Variants in GOLPH3L observed in about 807,000 individuals in gnomAD.
GOLPH3L encodes Golgi phosphoprotein 3-like.
In GOLPH3L, 22 loss-of-function variants were observed where a neutral mutation model predicts 30.3. The observed-to-expected ratio is 0.73, with a 90% CI of 0.52 to 1.04. GOLPH3L has a LOEUF of 1.04. Ranked by LOEUF, GOLPH3L falls within the 50% of genes least tolerant of loss-of-function variation. The pLI is 0.00. For missense variants in GOLPH3L, 303 were observed against 345.8 expected (o/e 0.88, Z 0.98); for synonymous variants, 120 against 128.2 (o/e 0.94, Z 0.43).
intron 1 of GOLPH3L, among the ~76,000 whole-genome samples, chr1:150,695,709 T>C (rs1327883058): frequency 1.3e-5 from 2 of 152,214 alleles, no homozygotes; most frequent in Admixed American, 6.5e-5. Context: ...CATACCCTAA[T>C]GACTCATTTC....
chr1:150,648,513 T>C lies in GOLPH3L; in HGVS notation c.666A>G (p.Thr222=), dbSNP rs1234389888. 6.2e-7 allele frequency: 1 copy of C among 1,613,366 alleles called. No individual in the cohort carries two copies. The highest frequency in any genetic ancestry group is 8.5e-7 in the Non-Finnish European group (1 of 1,179,318). ...VNDPQRMDKR[T]LALLVLAHSS... is the part of the protein sequence containing the mutation. ...AGTGGGCTAGCACCAGGAGTGCTAG[T>C]GTTCGCTTGTCCATACGCTGAGGGT... Residue 222 remains threonine, a synonymous_variant, in exon 5 of 5, where the codon ACA becomes ACG. Coordinates refer to ENST00000271732, the MANE Select transcript of GOLPH3L (RefSeq NM_018178.6).
At chr1:150,695,812 C>T (rs1651339109) in intron 1 of GOLPH3L, among the ~76,000 whole-genome samples, 1 of 151,980 alleles carries the variant, frequency 6.6e-6, no homozygotes, top group African/African-American at 2.4e-5. Flanking sequence ...CAGCTCTAGT[C>T]CTAGCTAGCC....
chr1:150,663,621 G>C lies in GOLPH3L; in HGVS notation c.315+11C>G. The C allele has an allele frequency of 6.2e-7, 1 of 1,602,196 alleles. No homozygotes were observed. The highest frequency in any genetic ancestry group is 8.5e-7 in the Non-Finnish European group (1 of 1,171,726). ...TCCATAAGCCATGGACGTTCACAGAGGATTCAGTACCTTTCTGTCTAGTAG... is the reference window on the plus strand; with the variant it reads ...TCCATAAGCCATGGACGTTCACAGACGATTCAGTACCTTTCTGTCTAGTAG... On this transcript the variant is annotated intron_variant, in intron 3 of 4. Transcript: ENST00000271732.
In GOLPH3L at chr1:150,652,330, G is replaced by T. The variant is rs61817561; in HGVS notation, c.431-3582C>A. ...CAGGAAGTGGAGGTTGCATTGAGCT[G>T]AGATCGTGCCACCGCACTCCAGACT... is the stretch of plus-strand genomic sequence containing the variant. On this transcript the variant is annotated intron_variant, in intron 4 of 4. Transcript: ENST00000271732. Among the ~76,000 whole-genome samples, 1,049 of 128,344 alleles carry T rather than the reference G, an allele frequency of 8.2e-3. 8 individuals are homozygous for T. Among genetic ancestry groups the T allele is most frequent in the Admixed American group, 0.017 (189 of 11,200 alleles). 84.2% of individuals were successfully genotyped at this position (128,344 alleles called of 152,430 possible).
At chr1:150,695,158 G>C (rs950495473) in intron 1 of GOLPH3L, among the ~76,000 whole-genome samples, 1 of 152,032 alleles carries the variant, frequency 6.6e-6, no homozygotes, top group African/African-American at 2.4e-5. Context: ...TTTCTTGAGA[G>C]GGAGTCTTGC....
intron 2 of GOLPH3L, among the ~76,000 whole-genome samples, chr1:150,667,663 G>A (rs182095782): frequency 6.6e-4 from 97 of 147,108 alleles, no homozygotes; most frequent in African/African-American, 2.2e-3. Context: ...GCGCAATCTC[G>A]GCTGACTGTA....
chr1:150,648,240 A>G lies in GOLPH3L; in HGVS notation c.*81T>C. On this transcript the variant is annotated 3_prime_UTR_variant, in exon 5 of 5. Coordinates refer to ENST00000271732, the MANE Select transcript of GOLPH3L (RefSeq NM_018178.6). ...AAAAGGAAACAAAAATGATGAAAACATCTCATCACACAAAACTCAGTGATG... is the reference window on the plus strand; with the variant it reads ...AAAAGGAAACAAAAATGATGAAAACGTCTCATCACACAAAACTCAGTGATG... The G allele has an allele frequency of 1.0e-6, 1 of 985,412 alleles. No homozygotes were observed. The highest frequency in any genetic ancestry group is 1.6e-5 in the South Asian group (1 of 61,336). The allele number at this position is 985,412 out of a possible 1,614,324, so 61.0% of individuals were successfully genotyped here.
chr1:150,673,572 A>G (rs956032896), intron 2 of GOLPH3L, among the ~76,000 whole-genome samples: 6 of 125,410 alleles, frequency 4.8e-5, no homozygotes, highest in African/African-American at 1.7e-4. Context: ...TCTCAAAAAA[A>G]CAAAACAAAA....
intron 4 of GOLPH3L, among the ~76,000 whole-genome samples, chr1:150,661,015 G>T (rs781097797): frequency 5.9e-5 from 9 of 152,208 alleles, no homozygotes; most frequent in Non-Finnish European, 1.3e-4. Flanking sequence ...AGATCACGAA[G>T]TCAAGAGTTC....
intron 2 of GOLPH3L, among the ~76,000 whole-genome samples, chr1:150,671,757 G>A (rs1431103471): frequency 8.0e-6 from 1 of 124,252 alleles, no homozygotes; most frequent in Non-Finnish European, 1.6e-5. Context: ...AGTGAGCCGA[G>A]ATCGCACCAC....
At chr1:150,682,047 G>A (rs1650965183) in intron 2 of GOLPH3L, among the ~76,000 whole-genome samples, 1 of 147,082 alleles carries the variant, frequency 6.8e-6, no homozygotes, top group South Asian at 2.3e-4. Flanking sequence ...CTGAGTGACA[G>A]AGGAGACAAT....
chr1:150,650,380 A>C (rs1314556231), intron 4 of GOLPH3L, among the ~76,000 whole-genome samples: 1 of 152,212 alleles, frequency 6.6e-6, no homozygotes, highest in African/African-American at 2.4e-5. Flanking sequence ...CAAGTCACTA[A>C]GGAAACAAAT....
rs587723733 is a variant in GOLPH3L, at chr1:150,683,256, G to A, written c.183+11400C>T. ...ATCGCTATTAAAAATACAAAAATTG[G>A]CCTGGAGCGGTGGCTCACGCCTGTA... On this transcript the variant is annotated intron_variant, in intron 2 of 4. Transcript: ENST00000271732. Among the ~76,000 whole-genome samples, 82 of 152,136 alleles carry A rather than the reference G, an allele frequency of 5.4e-4. 1 individual carries two copies. The East Asian group carries it at 0.011, about 20-fold the overall frequency.
In GOLPH3L at chr1:150,661,913, C is replaced by T; in HGVS notation, c.331G>A (p.Asp111Asn). 6.5e-7 allele frequency: 1 copy of T among 1,537,138 alleles called. No individual in the cohort carries two copies. Among genetic ancestry groups the T allele is most frequent in the Non-Finnish European group, 9.0e-7 (1 of 1,109,776 alleles). ...LLDRKVLLKSDSPTGDVLLDE... is the reference protein window; with the variant it reads ...LLDRKVLLKSNSPTGDVLLDE... The stretch of plus-strand genomic sequence containing the variant: ...AGTAAAACATCACCTGTTGGGCTGT[C>T]TGACTTTAGCAGTACCTTTGAGAAA... The change falls in exon 4 of 5, where the codon GAC (aspartate) becomes AAC (asparagine). Residue 111 changes from aspartate (D) to asparagine (N), a missense_variant. Coordinates refer to ENST00000271732, the MANE Select transcript of GOLPH3L (RefSeq NM_018178.6).
At chr1:150,696,486 A>G (rs1181295064) in intron 1 of GOLPH3L, among the ~76,000 whole-genome samples, 1 of 152,178 alleles carries the variant, frequency 6.6e-6, no homozygotes, top group Non-Finnish European at 1.5e-5. Context: ...TTGGGTTTAT[A>G]TATTCTCCAT....
chr1:150,690,804 T>C (rs1036740730), intron 2 of GOLPH3L, among the ~76,000 whole-genome samples: 5 of 152,228 alleles, frequency 3.3e-5, no homozygotes, highest in African/African-American at 7.2e-5. Context: ...CTTGTTTTAC[T>C]GCCTTTTTCT....
At chr1:150,652,699 T>C (rs990779833) in intron 4 of GOLPH3L, among the ~76,000 whole-genome samples, 4 of 152,254 alleles carry the variant, frequency 2.6e-5, no homozygotes, top group African/African-American at 7.2e-5. Flanking sequence ...ACAATATTTA[T>C]ATAATTGTTA....
rs1398749336 is a variant in GOLPH3L at position 150,688,014 on chromosome 1, T to C, written c.183+6642A>G. ...ACATTAAAATATTAACCCAATAAAA[T>C]AGAGTTTAAAAACAGGCAAAACTAA... On this transcript the variant is annotated intron_variant, in intron 2 of 4. Coordinates refer to ENST00000271732, the MANE Select transcript of GOLPH3L (RefSeq NM_018178.6). Among the ~76,000 whole-genome samples, 6 of 152,232 alleles carry C rather than the reference T, an allele frequency of 3.9e-5. No homozygotes were observed. In the East Asian group the frequency reaches 5.8e-4, roughly 15 times the overall value.
intron 2 of GOLPH3L, among the ~76,000 whole-genome samples, chr1:150,682,263 G>A (rs1401562573): frequency 6.6e-6 from 1 of 151,886 alleles, no homozygotes; most frequent in Non-Finnish European, 1.5e-5. Flanking sequence ...AGTGAGTTTT[G>A]ACAAAAGCAT....
Sources: allele counts gnomAD v4.1 joint callset (sites outside exome capture counted in the v4.1 genomes callset), GRCh38; gene constraint gnomAD v4.1.1; transcripts MANE v1.5; gene names NCBI Gene and HGNC (gene_info 2026-07-23, HGNC 2026-07-21).